FAM13A: variants seen among roughly 807,000 people sequenced by gnomAD.
The protein encoded by FAM13A is protein FAM13A.
A neutral mutation model predicts 129.6 loss-of-function variants in FAM13A; 76 were observed. The ratio of observed to expected loss-of-function variants is 0.59; its 90% confidence interval spans 0.49 to 0.71. FAM13A has a LOEUF of 0.71. Ranked by LOEUF, FAM13A falls within the 30% of genes least tolerant of loss-of-function variation. FAM13A has a pLI of 0.00. For missense variants in FAM13A, 1,108 were observed against 1,249.3 expected (o/e 0.89, Z 1.70); for synonymous variants, 443 against 449.9 (o/e 0.98, Z 0.20).
intron 2 of FAM13A, among the ~76,000 whole-genome samples, chr4:89,026,588 G>A (rs961148183): frequency 6.6e-6 from 1 of 152,240 alleles, no homozygotes; most frequent in African/African-American, 2.4e-5. Context: ...CAAAGGGAAA[G>A]CGAGGCACCT....
chr4:88,989,037 G>A (rs938019323), intron 4 of FAM13A, among the ~76,000 whole-genome samples: 14 of 151,572 alleles, frequency 9.2e-5, no homozygotes, highest in Non-Finnish European at 1.5e-4. Flanking sequence ...GTGAAACCCC[G>A]TCTCTACTAA....
chr4:88,884,889 C>T (rs1410775780), intron 6 of FAM13A, among the ~76,000 whole-genome samples: 1 of 152,106 alleles, frequency 6.6e-6, no homozygotes, highest in Non-Finnish European at 1.5e-5. Flanking sequence ...AACTCAACCC[C>T]TTTTAGAATA....
At chr4:88,779,644 G>A (rs1175585834) in intron 11 of FAM13A, among the ~76,000 whole-genome samples, 1 of 152,164 alleles carries the variant, frequency 6.6e-6, no homozygotes, top group Non-Finnish European at 1.5e-5. Flanking sequence ...AATTGAGGTA[G>A]GGGCAAATTC....
intron 7 of FAM13A, among the ~76,000 whole-genome samples, chr4:88,833,104 T>C (rs1332501410): frequency 2.6e-5 from 4 of 152,078 alleles, no homozygotes; most frequent in African/African-American, 4.8e-5. Flanking sequence ...CCAGAAGCCA[T>C]TATCCATAGA....
At chr4:88,830,819 T>C (rs1188095980) in intron 7 of FAM13A, among the ~76,000 whole-genome samples, 2 of 152,156 alleles carry the variant, frequency 1.3e-5, no homozygotes, top group African/African-American at 2.4e-5. Context: ...AAGTACATGA[T>C]TCAGGGTTCC....
intron 8 of FAM13A, among the ~76,000 whole-genome samples, chr4:88,791,682 AT>A (rs1725194173): frequency 6.6e-6 from 1 of 152,124 alleles, no homozygotes; most frequent in African/African-American, 2.4e-5. Context: ...AAGGACCAAT[AT>A]TGATAGTTGT....
chr4:88,919,991 G>T (rs1403935797), intron 5 of FAM13A, among the ~76,000 whole-genome samples: 2 of 152,228 alleles, frequency 1.3e-5, no homozygotes, highest in Non-Finnish European at 2.9e-5. Flanking sequence ...CAGCGAGGCT[G>T]GGGGATGGGC....
chr4:88,732,312 A>G (rs999334740), intron 21 of FAM13A, 114 bp from the exon 22 acceptor site: 27 of 714,234 alleles, frequency 3.8e-5, no homozygotes, highest in Non-Finnish European at 4.4e-5. Flanking sequence ...TTTCTTCTGT[A>G]TCTACATTTA....
chr4:88,790,052 T>C (rs1165032184), intron 9 of FAM13A, among the ~76,000 whole-genome samples: 3 of 152,158 alleles, frequency 2.0e-5, no homozygotes, highest in Admixed American at 6.6e-5. Context: ...GCCACTGCCC[T>C]GTGGACCAGG....
In FAM13A at chr4:88,776,828, G is replaced by T. The variant is rs561386155; in HGVS notation, c.1458+4337C>A. 6.6e-5 allele frequency among the ~76,000 whole-genome samples: 10 copies of T among 152,194 alleles called. No individual in the cohort carries two copies. The South Asian group carries it at 2.1e-3, about 32-fold the overall frequency. ...CATCTCCACTAAAATACAAAAATTA[G>T]CTGGGCACAGTGGTGTGCGCCTGTA... On this transcript the variant is annotated intron_variant, in intron 11 of 23. Transcript: ENST00000264344.
At chr4:88,924,047 TA>T (rs1751654759) in intron 5 of FAM13A, among the ~76,000 whole-genome samples, 1 of 152,004 alleles carries the variant, frequency 6.6e-6, no homozygotes, top group East Asian at 1.9e-4. Flanking sequence ...CTCAATGAAA[TA>T]AAAGAGGATA....
intron 19 of FAM13A, among the ~76,000 whole-genome samples, chr4:88,744,597 A>C (rs1463433097): frequency 6.6e-6 from 1 of 152,220 alleles, no homozygotes; most frequent in East Asian, 1.9e-4. Context: ...CTGCTTTTCT[A>C]AACAATTGGG....
At chr4:88,786,115 G>T (rs949075368) in intron 10 of FAM13A, among the ~76,000 whole-genome samples, 2 of 152,232 alleles carry the variant, frequency 1.3e-5, no homozygotes, top group Non-Finnish European at 2.9e-5. Flanking sequence ...CTTCAGGAGA[G>T]GTGAGGCTGT....
intron 4 of FAM13A, among the ~76,000 whole-genome samples, chr4:88,948,161 A>C (rs187705163): frequency 1.3e-5 from 2 of 152,282 alleles, no homozygotes; most frequent in African/African-American, 4.8e-5. Context: ...CTCTTGGAAC[A>C]AGGGGCTAGC....
chr4:88,910,211 T>C (rs375564265), intron 5 of FAM13A, among the ~76,000 whole-genome samples: 1 of 152,200 alleles, frequency 6.6e-6, no homozygotes, highest in Admixed American at 6.5e-5. Flanking sequence ...TTTTAAACAT[T>C]TGATCTACTT....
chr4:88,833,962 G>A (rs142482265), intron 7 of FAM13A, among the ~76,000 whole-genome samples: 1,792 of 151,648 alleles, frequency 0.012, 11 homozygotes, highest in Non-Finnish European at 0.018. Context: ...GTCACCCAGG[G>A]CTCACTGAGA....
chr4:89,029,859 G>C (rs1322427233), intron 1 of FAM13A: 2 of 583,092 alleles, frequency 3.4e-6, no homozygotes, highest in Non-Finnish European at 5.9e-6. Flanking sequence ...AAAACCTAAA[G>C]CCACAAATGA....
intron 1 of FAM13A, among the ~76,000 whole-genome samples, chr4:89,031,633 T>A (rs1253181602): frequency 6.6e-6 from 1 of 152,242 alleles, no homozygotes; most frequent in Non-Finnish European, 1.5e-5. Flanking sequence ...CTTCTAGGAA[T>A]TATTATTCTG....
chr4:88,867,337 CT>C, intron 6 of FAM13A, among the ~76,000 whole-genome samples: 1 of 152,294 alleles, frequency 6.6e-6, no homozygotes, highest in Middle Eastern at 3.4e-3. Flanking sequence ...TTAGACAGCC[CT>C]TCAGCATACA....
Sources: allele counts gnomAD v4.1 joint callset (sites outside exome capture counted in the v4.1 genomes callset), GRCh38; gene constraint gnomAD v4.1.1; transcripts MANE v1.5; gene names NCBI Gene and HGNC (gene_info 2026-07-23, HGNC 2026-07-21).